Variants in DRD4 observed in about 807,000 individuals in gnomAD.
DRD4 encodes D(4) dopamine receptor.
DRD4 carries 26 observed loss-of-function variants against 22.1 expected under a neutral mutation model. That is an observed-to-expected ratio of 1.17 (90% CI 0.86 to 1.63). The LOEUF (loss-of-function observed/expected upper bound fraction) is 1.63, where lower values mean the gene tolerates loss of function less well. DRD4 is among the 40% of genes most tolerant of loss of function. The pLI is 0.00. For synonymous variants in DRD4, 455 were observed against 306.7 expected, an observed-to-expected ratio of 1.48 and a Z score of -5.05; for missense variants, 913 against 632.4, an observed-to-expected ratio of 1.44 and a Z score of -4.76.
In DRD4 at chr11:637,279, G is replaced by A. The variant is rs1858077008; in HGVS notation, c.-26G>A. On this transcript the variant is annotated 5_prime_UTR_variant, in exon 1 of 4. In the 5' UTR this introduces an upstream ATG that the reference lacks. Coordinates refer to ENST00000176183, the MANE Select transcript of DRD4 (RefSeq NM_000797.4). ...GGCTTGCGACCCGGCGTTGTCCGCG[G>A]TGCTCAGCGCCCGCCCGGGCGCGCC... 2 of 1,182,618 alleles carry A rather than the reference G, an allele frequency of 1.7e-6. No homozygotes were observed. The highest frequency in any genetic ancestry group is 2.1e-6 in the Non-Finnish European group (2 of 956,890). 73.3% of individuals were successfully genotyped at this position (1,182,618 alleles called of 1,614,324 possible). A position where few individuals can be genotyped will look rare whatever the true frequency, so the allele number is the denominator to read the frequency against.
Position 639,967 on chromosome 11 carries a change from G to A in DRD4, c.718G>A (p.Gly240Ser), listed in dbSNP as rs537247984. Residue 240 changes from glycine to serine, a missense_variant, in exon 3 of 4, where the codon GGC becomes AGC. Gly to Ser is a moderately conservative substitution (Grantham distance 56). Coordinates refer to ENST00000176183, the MANE Select transcript of DRD4 (RefSeq NM_000797.4). ...LHGRAPRRPS[G>S]PGPPSPTPPA... Reference sequence around the variant, plus strand: ...CGGCCGCGCGCCCCGCCGACCCAGCGGCCCTGGCCCGCCTTCCCCCACGCC... The same window carrying A: ...CGGCCGCGCGCCCCGCCGACCCAGCAGCCCTGGCCCGCCTTCCCCCACGCC... 1,095 of 1,419,880 alleles carry A rather than the reference G, an allele frequency of 7.7e-4. 4 individuals are homozygous for A. The highest frequency in any genetic ancestry group is 8.4e-4 in the Non-Finnish European group (920 of 1,092,404). 88.0% of individuals were successfully genotyped at this position (1,419,880 alleles called of 1,614,324 possible).
rs575355019 is a variant in DRD4, at chr11:640,155, C to T, written c.906C>T (p.Pro302=). Residue 302 remains proline, a synonymous_variant, in exon 3 of 4, where the codon CCC becomes CCT. Transcript: ENST00000176183. Reference sequence around the variant, plus strand: ...GTGCGCCCCCCGCGCCCGGCCTCCCCCCGGACCCCTGCGGCTCCAACTGTG... The same window carrying T: ...GTGCGCCCCCCGCGCCCGGCCTCCCTCCGGACCCCTGCGGCTCCAACTGTG... ...PDCAPPAPGL[P]PDPCGSNCAP... 14 of 1,510,542 alleles carry T rather than the reference C, an allele frequency of 9.3e-6. No individual in the cohort carries two copies. The highest frequency in any genetic ancestry group is 7.4e-5 in the South Asian group (6 of 80,680). The allele number at this position is 1,510,542 out of a possible 1,614,324, so 93.6% of individuals were successfully genotyped here.
Position 637,576 on chromosome 11 carries a change from T to G in DRD4, c.272T>G (p.Phe91Cys), listed in dbSNP as rs1480940184. ...CTCGCTCTCCTGGTGCTGCCGCTCT[T>G]CGTCTACTCCGAGGTGAGCCGCGTC... ...LLLALLVLPL[F>C]VYSEVQGGAW... Residue 91 changes from phenylalanine to cysteine, a missense_variant, in exon 1 of 4, where the codon TTC becomes TGC. By Grantham distance (205) the Phe-to-Cys change is radical. Transcript: ENST00000176183. 6.4e-7 allele frequency: 1 copy of G among 1,551,728 alleles called. No homozygotes were observed. The highest frequency in any genetic ancestry group is 1.2e-5 in the South Asian group (1 of 84,586).
intron 2 of DRD4, 27 bp from the exon 3 acceptor site, chr11:639,621 C>A: frequency 7.1e-7 from 1 of 1,405,380 alleles, no homozygotes; most frequent in Non-Finnish European, 9.3e-7. Context: ...TGTGCGCTGT[C>A]CGGCGCCCCC....
At position 637,811 on chromosome 11, in the gene DRD4, C is replaced by T. The variant is rs1318613745; in HGVS notation, c.285+222C>T. ...CTGTCCCCCGACCCTCGTTCCTCTT[C>T]TCCTTCCCCGTCTGTCTTGGCGTCT... On this transcript the variant is annotated intron_variant, in intron 1 of 3. Coordinates refer to ENST00000176183, the MANE Select transcript of DRD4 (RefSeq NM_000797.4). Among the ~76,000 whole-genome samples, 8 of 152,234 alleles carry T rather than the reference C, an allele frequency of 5.3e-5. No individual in the cohort carries two copies. The South Asian group carries it at 1.0e-3, about 20-fold the overall frequency.
intron 1 of DRD4, among the ~76,000 whole-genome samples, chr11:638,556 T>C (rs1222193315): frequency 2.0e-5 from 3 of 152,154 alleles, no homozygotes; most frequent in African/African-American, 7.2e-5. Context: ...TTTTTAATTA[T>C]AATTTATCTT....
chr11:639,083 CAAAAAACAAAAAG>C (rs1249119552), intron 1 of DRD4: 2 of 295,300 alleles, frequency 6.8e-6, no homozygotes, highest in Non-Finnish European at 1.3e-5. Context: ...AACTCCGTCT[CAAAAAACAAAAAG>C]AAAAACAAAT....
rs994013103 is a variant in DRD4 at position 639,476 on chromosome 11, C to T, written c.329C>T (p.Ala110Val). The change falls in exon 2 of 4, where the codon GCC becomes GTC. Residue 110 changes from alanine to valine, a missense_variant. Coordinates refer to ENST00000176183, the MANE Select transcript of DRD4 (RefSeq NM_000797.4). ...AWLLSPRLCD[A>V]LMAMDVMLCT... ...CTGCTGAGCCCCCGCCTGTGCGACG[C>T]CCTCATGGCCATGGACGTCATGCTG... is the stretch of plus-strand genomic sequence containing the variant. 20 of 1,603,010 alleles carry T rather than the reference C, an allele frequency of 1.2e-5. No homozygotes were observed. The highest frequency in any genetic ancestry group is 1.6e-5 in the Non-Finnish European group (19 of 1,179,022).
chr11:639,693 G>T lies in DRD4; in HGVS notation c.444G>T (p.Gly148=). 4 of 1,479,728 alleles carry T rather than the reference G, an allele frequency of 2.7e-6. No homozygotes were observed. In the South Asian group the frequency reaches 3.8e-5, roughly 14 times the overall value. The allele number at this position is 1,479,728 out of a possible 1,614,324, so 91.7% of individuals were successfully genotyped here. A position where few individuals can be genotyped will look rare whatever the true frequency, so the allele number is the denominator to read the frequency against. Residue 148 remains glycine, a synonymous_variant, in exon 3 of 4, where the codon GGG becomes GGT. Coordinates refer to ENST00000176183, the MANE Select transcript of DRD4 (RefSeq NM_000797.4). ...CGCTGCGCTACAACCGGCAGGGTGG[G>T]AGCCGCCGGCAGCTGCTGCTCATCG... ...AVPLRYNRQG[G]SRRQLLLIGA...
chr11:640,220 A>C lies in DRD4; in HGVS notation c.971A>C (p.Gln324Pro). Residue 324 changes from glutamine (Q) to proline (P), a missense_variant, in exon 3 of 4, where the codon CAG (glutamine) becomes CCG (proline). Coordinates refer to ENST00000176183, the MANE Select transcript of DRD4 (RefSeq NM_000797.4). Reference protein sequence around the residue: ...DAVRAAALPPQTPPQTRRRRR... With the variant: ...DAVRAAALPPPTPPQTRRRRR... ...GTCAGAGCCGCCGCGCTCCCACCCC[A>C]GACTCCACCGCAGACCCGCAGGAGG... The C allele has an allele frequency of 2.0e-6, 3 of 1,531,004 alleles. No individual in the cohort carries two copies. The highest frequency in any genetic ancestry group is 2.6e-6 in the Non-Finnish European group (3 of 1,145,862). 94.8% of individuals were successfully genotyped at this position (1,531,004 alleles called of 1,614,324 possible). A position where few individuals can be genotyped will look rare whatever the true frequency, so the allele number is the denominator to read the frequency against.
rs1858078648 is a variant in DRD4 at position 637,307 on chromosome 11, GGGGAACCGC to G, written c.4_12del (p.Gly2_Arg4del). 62 of 1,215,020 alleles carry G rather than the reference GGGGAACCGC, an allele frequency of 5.1e-5. No homozygotes were observed. The highest frequency in any genetic ancestry group is 5.9e-5 in the Non-Finnish European group (58 of 977,822). 75.3% of individuals were successfully genotyped at this position (1,215,020 alleles called of 1,614,324 possible). ...CTCAGCGCCCGCCCGGGCGCGCCAT[GGGGAACCGC>G]AGCACCGCGGACGCGGACGGGCTGC... On this transcript the variant is annotated inframe_deletion, in exon 1 of 4. Coordinates refer to ENST00000176183, the MANE Select transcript of DRD4 (RefSeq NM_000797.4).
chr11:639,747 G>GGCGGCGCCCGTACTGT lies in DRD4; in HGVS notation c.504_519dup (p.Leu174AlafsTer281). On this transcript the variant is annotated frameshift_variant, in exon 3 of 4. Coordinates refer to ENST00000176183, the MANE Select transcript of DRD4 (RefSeq NM_000797.4). LOFTEE classifies it high-confidence loss of function. ...CCACGTGGCTGCTGTCCGCGGCGGT[G>GGCGGCGCCCGTACTGT]GCGGCGCCCGTACTGTGCGGCCTCA... 2 of 1,541,128 alleles carry GGCGGCGCCCGTACTGT rather than the reference G, an allele frequency of 1.3e-6. No homozygotes were observed. The highest frequency in any genetic ancestry group is 1.7e-6 in the Non-Finnish European group (2 of 1,153,366).
In DRD4 at chr11:639,825, C is replaced by T. The variant is rs1054131316; in HGVS notation, c.576C>T (p.Tyr192=). 3 of 1,581,706 alleles carry T rather than the reference C, an allele frequency of 1.9e-6. No homozygotes were observed. The highest frequency in any genetic ancestry group is 2.6e-6 in the Non-Finnish European group (3 of 1,171,506). Reference sequence around the variant, plus strand: ...TGTGCCGCCTGGAGGACCGCGACTACGTGGTCTACTCGTCCGTGTGCTCCT... The same window carrying T: ...TGTGCCGCCTGGAGGACCGCGACTATGTGGTCTACTCGTCCGTGTGCTCCT... ...PAVCRLEDRD[Y]VVYSSVCSFF... Residue 192 remains tyrosine (Y), a synonymous_variant, in exon 3 of 4, where the codon TAC becomes TAT. Transcript: ENST00000176183.
Position 640,587 on chromosome 11 carries a change from T to G in DRD4, c.1244T>G (p.Leu415Arg), listed in dbSNP as rs1447821106. The change falls in exon 4 of 4, where the codon CTG (leucine) becomes CGG (arginine). Residue 415 changes from leucine (L) to arginine (R), a missense_variant. Transcript: ENST00000176183. ...TTCCGCAACGTCTTCCGCAAGGCCC[T>G]GCGTGCCTGCTGCTGAGCCGGGCAC... ...AEFRNVFRKALRACC is the reference protein window; with the variant it reads ...AEFRNVFRKARRACC The G allele has an allele frequency of 1.3e-6, 2 of 1,599,496 alleles. No homozygotes were observed. Among genetic ancestry groups the G allele is most frequent in the Admixed American group, 1.7e-5 (1 of 60,020 alleles).
intron 1 of DRD4, 134 bp from the exon 2 acceptor site, chr11:639,299 G>C (rs374919322): frequency 6.2e-6 from 5 of 804,848 alleles, no homozygotes; most frequent in South Asian, 2.9e-5. Flanking sequence ...TTCCCTGCCC[G>C]GTCCTCTGGC....
chr11:640,196 T>A lies in DRD4; in HGVS notation c.947T>A (p.Val316Asp). The change falls in exon 3 of 4, where the codon GTC becomes GAC. Residue 316 changes from valine to aspartate, a missense_variant. Coordinates refer to ENST00000176183, the MANE Select transcript of DRD4 (RefSeq NM_000797.4). ...CGSNCAPPDA[V>D]RAAALPPQTP... ...TCCAACTGTGCTCCCCCCGACGCCG[T>A]CAGAGCCGCCGCGCTCCCACCCCAG... is the stretch of plus-strand genomic sequence containing the variant. The A allele has an allele frequency of 6.6e-7, 1 of 1,523,316 alleles. No homozygotes were observed. Among genetic ancestry groups the A allele is most frequent in the Non-Finnish European group, 8.7e-7 (1 of 1,143,014 alleles). 94.4% of individuals were successfully genotyped at this position (1,523,316 alleles called of 1,614,324 possible).
chr11:638,835 C>T (rs958747166), intron 1 of DRD4, among the ~76,000 whole-genome samples: 4 of 152,198 alleles, frequency 2.6e-5, no homozygotes, highest in Admixed American at 2.6e-4. Flanking sequence ...GTGATTCACG[C>T]CTGTAATCCC....
chr11:638,456 G>A (rs1307623009), intron 1 of DRD4, among the ~76,000 whole-genome samples: 2 of 152,198 alleles, frequency 1.3e-5, no homozygotes, highest in Non-Finnish European at 2.9e-5. Flanking sequence ...AAATCGGCGG[G>A]AAGGATTAGA....
chr11:639,707 T>C lies in DRD4; in HGVS notation c.458T>C (p.Leu153Pro), dbSNP rs1858160470. ...YNRQGGSRRQ[L>P]LLIGATWLLS... is the part of the protein sequence containing the mutation. ...CGGCAGGGTGGGAGCCGCCGGCAGCTGCTGCTCATCGGCGCCACGTGGCTG... is the reference window on the plus strand; with the variant it reads ...CGGCAGGGTGGGAGCCGCCGGCAGCCGCTGCTCATCGGCGCCACGTGGCTG... The change falls in exon 3 of 4, where the codon CTG (leucine) becomes CCG (proline). Residue 153 changes from leucine (L) to proline (P), a missense_variant. Physicochemically the swap from Leu to Pro is moderately conservative, Grantham distance 98. Coordinates refer to ENST00000176183, the MANE Select transcript of DRD4 (RefSeq NM_000797.4). 20 of 1,492,110 alleles carry C rather than the reference T, an allele frequency of 1.3e-5. No individual in the cohort carries two copies. Among genetic ancestry groups the C allele is most frequent in the Non-Finnish European group, 1.4e-5 (16 of 1,127,590 alleles). The allele number at this position is 1,492,110 out of a possible 1,614,324, so 92.4% of individuals were successfully genotyped here.
Sources: allele counts gnomAD v4.1 joint callset (sites outside exome capture counted in the v4.1 genomes callset), GRCh38; gene constraint gnomAD v4.1.1; transcripts MANE v1.5; gene names NCBI Gene and HGNC (gene_info 2026-07-23, HGNC 2026-07-21).